ADCY1: variants seen among roughly 807,000 people sequenced by gnomAD.
The protein encoded by ADCY1 is adenylate cyclase type 1.
Under a neutral mutation model 105.4 loss-of-function variants are expected in ADCY1, and 28 were observed. That is an observed-to-expected ratio of 0.27 (90% CI 0.20 to 0.36). The LOEUF is 0.36. ADCY1 is among the 10% of genes least tolerant of loss of function. The pLI is 1.00. For missense variants in ADCY1, 977 were observed against 1,434.2 expected (o/e 0.68, Z 5.15); for synonymous variants, 655 against 623.8 (o/e 1.05, Z -0.75).
chr7:45,585,372 A>G (rs1243324261), intron 1 of ADCY1, among the ~76,000 whole-genome samples: 1 of 150,752 alleles, frequency 6.6e-6, no homozygotes, highest in African/African-American at 2.4e-5. Flanking sequence ...ATGTTTCATG[A>G]GCACTGACCA....
At chr7:45,679,015 TTAAA>T (rs1177970691) in intron 10 of ADCY1, among the ~76,000 whole-genome samples, 11 of 152,348 alleles carry the variant, frequency 7.2e-5, no homozygotes, top group Admixed American at 3.9e-4. Context: ...AAACAGTAGT[TTAAA>T]TAACATTTAA....
intron 5 of ADCY1, among the ~76,000 whole-genome samples, chr7:45,651,611 G>A (rs1259753531): frequency 2.0e-5 from 3 of 152,130 alleles, no homozygotes; most frequent in South Asian, 2.1e-4. Flanking sequence ...TTTGCTCCCC[G>A]CCACTCCTCA....
At chr7:45,675,571 T>C (rs1405151232) in intron 8 of ADCY1, among the ~76,000 whole-genome samples, 1 of 152,102 alleles carries the variant, frequency 6.6e-6, no homozygotes, top group Non-Finnish European at 1.5e-5. Flanking sequence ...ACTCTCAACT[T>C]TCCTTTATCT....
intron 2 of ADCY1, among the ~76,000 whole-genome samples, chr7:45,598,191 C>T (rs532198630): frequency 4.6e-5 from 7 of 152,198 alleles, no homozygotes; most frequent in Middle Eastern, 3.4e-3. Context: ...TTTAAATAAC[C>T]CAGGAAAGAT....
intron 14 of ADCY1, among the ~76,000 whole-genome samples, chr7:45,689,557 C>T (rs960274051): frequency 3.3e-5 from 5 of 152,138 alleles, no homozygotes; most frequent in Non-Finnish European, 7.3e-5. Flanking sequence ...CTCTGACTAT[C>T]GCGAGAAAGG....
intron 3 of ADCY1, among the ~76,000 whole-genome samples, chr7:45,614,940 A>G (rs1366278545): frequency 6.6e-6 from 1 of 152,262 alleles, no homozygotes; most frequent in Non-Finnish European, 1.5e-5. Context: ...AGGCGACTTC[A>G]GTAGTCTATT....
In ADCY1 at chr7:45,710,137, G is replaced by A. The variant is rs551115303; in HGVS notation, c.2933-391G>A. Among the ~76,000 whole-genome samples the A allele has an allele frequency of 5.8e-4, 89 of 152,298 alleles. No individual in the cohort carries two copies. Among genetic ancestry groups the A allele is most frequent in the Middle Eastern group, 3.4e-3 (1 of 294 alleles). ...TTTTTCTGGAAGAGAGGATGCACTT[G>A]GAGACATACCCTGTAATCACAGATA... is the stretch of plus-strand genomic sequence containing the variant. On this transcript the variant is annotated intron_variant, in intron 18 of 19. Transcript: ENST00000297323. This position sits in a 1 kb window ranked among gnomAD's most constrained non-coding sequence, Gnocchi z 4.7.
At position 45,614,906 on chromosome 7, in the gene ADCY1, A is replaced by G. The variant is rs186707175; in HGVS notation, c.908+4409A>G. Among the ~76,000 whole-genome samples the G allele has an allele frequency of 1.4e-4, 22 of 152,326 alleles. No homozygotes were observed. In the South Asian group the frequency reaches 3.3e-3, roughly 23 times the overall value. Reference sequence around the variant, plus strand: ...AAGCATTGACAGAACTGTAAAAAGAAATAGACCACAAAACAATAATAATAG... The same window carrying G: ...AAGCATTGACAGAACTGTAAAAAGAGATAGACCACAAAACAATAATAATAG... On this transcript the variant is annotated intron_variant, in intron 3 of 19. Coordinates refer to ENST00000297323, the MANE Select transcript of ADCY1 (RefSeq NM_021116.4).
chr7:45,657,616 A>G, intron 5 of ADCY1, 111 bp from the exon 6 acceptor site: 5 of 1,180,572 alleles, frequency 4.2e-6, no homozygotes, highest in Non-Finnish European at 5.9e-6. Context: ...ACATGCAGCA[A>G]GGACAAGACC....
intron 1 of ADCY1, among the ~76,000 whole-genome samples, chr7:45,577,010 TA>T (rs1792369614): frequency 6.6e-6 from 1 of 152,198 alleles, no homozygotes; most frequent in African/African-American, 2.4e-5. Context: ...GGAGAGTCTA[TA>T]AAGGAGTTTC....
intron 4 of ADCY1, among the ~76,000 whole-genome samples, chr7:45,625,573 GTGT>G (rs1197888466): frequency 6.6e-6 from 1 of 152,166 alleles, no homozygotes; most frequent in Non-Finnish European, 1.5e-5. Context: ...ATGCATATGT[GTGT>G]TATGTGTGTA....
In ADCY1 at chr7:45,722,969, T is replaced by C. The variant is rs1284752816; in HGVS notation, c.*8974T>C. On this transcript the variant is annotated 3_prime_UTR_variant, in exon 20 of 20. Transcript: ENST00000297323. The stretch of plus-strand genomic sequence containing the variant: ...TTGAGACAAGTAATTGAATAATTTG[T>C]CCTATTTTTATTTTAAAAAAAGTGA... 6.6e-6 allele frequency: 1 copy of C among 152,646 alleles called. No individual in the cohort carries two copies. The highest frequency in any genetic ancestry group is 1.5e-5 in the Non-Finnish European group (1 of 68,034). The allele number at this position is 152,646 out of a possible 1,614,324, so 9.5% of individuals were successfully genotyped here. A position where few individuals can be genotyped will look rare whatever the true frequency, so the allele number is the denominator to read the frequency against.
rs1210524532 is a variant in ADCY1 at position 45,647,893 on chromosome 7, A to C, written c.1021-777A>C. Among the ~76,000 whole-genome samples the C allele has an allele frequency of 6.6e-6, 1 of 152,224 alleles. No homozygotes were observed. Among genetic ancestry groups the C allele is most frequent in the African/African-American group, 2.4e-5 (1 of 41,456 alleles). ...AAGTTTTAGTTTTTAGTGAGTCCTT[A>C]GTGATTTCAAGACATAAAGGGGTCC... On this transcript the variant is annotated intron_variant, in intron 4 of 19. Coordinates refer to ENST00000297323, the MANE Select transcript of ADCY1 (RefSeq NM_021116.4). This position sits in a 1 kb window ranked among gnomAD's most constrained non-coding sequence, Gnocchi z 4.6.
At chr7:45,664,163 C>T in intron 8 of ADCY1, 1 of 829,800 alleles carries the variant, frequency 1.2e-6, no homozygotes, top group Non-Finnish European at 1.9e-6. Flanking sequence ...GTGGGGCGTT[C>T]CTGCTAAAAC....
chr7:45,677,165 CT>C (rs1477589031), intron 8 of ADCY1, among the ~76,000 whole-genome samples: 1 of 152,128 alleles, frequency 6.6e-6, no homozygotes, highest in Non-Finnish European at 1.5e-5. Context: ...ATTGTCAGTG[CT>C]TTTACCACTC....
Position 45,679,705 on chromosome 7 carries a change from C to T in ADCY1, c.1899-4C>T. Reference sequence around the variant, plus strand: ...CAGTGACTCTCATGTTTTCTGTCCCCCAGGAGTGTGGTCGTCCTGCTCCTG... The same window carrying T: ...CAGTGACTCTCATGTTTTCTGTCCCTCAGGAGTGTGGTCGTCCTGCTCCTG... On this transcript the variant is annotated splice_region_variant and splice_polypyrimidine_tract_variant and intron_variant, in intron 10 of 19. Coordinates refer to ENST00000297323, the MANE Select transcript of ADCY1 (RefSeq NM_021116.4). The T allele has an allele frequency of 6.2e-7, 1 of 1,614,190 alleles. No individual in the cohort carries two copies. The highest frequency in any genetic ancestry group is 2.2e-5 in the East Asian group (1 of 44,882).
chr7:45,659,841 G>C (rs569039318), intron 6 of ADCY1, among the ~76,000 whole-genome samples: 4 of 152,272 alleles, frequency 2.6e-5, no homozygotes, highest in Admixed American at 2.0e-4. Flanking sequence ...TGCTGGGCAT[G>C]GTTCCTGATG....
intron 7 of ADCY1, among the ~76,000 whole-genome samples, 184 bp downstream of exon 7, chr7:45,660,367 G>C (rs924994424): frequency 2.6e-5 from 4 of 152,196 alleles, no homozygotes; most frequent in African/African-American, 9.6e-5. Flanking sequence ...GGTGTGGGGA[G>C]GGGTCTAGGT....
chr7:45,707,231 T>C (rs921081637), intron 17 of ADCY1, among the ~76,000 whole-genome samples: 1 of 152,234 alleles, frequency 6.6e-6, no homozygotes, highest in Non-Finnish European at 1.5e-5. Context: ...TGAGAACTTA[T>C]GTCCATGAGT....
Sources: allele counts gnomAD v4.1 joint callset (sites outside exome capture counted in the v4.1 genomes callset), GRCh38; gene constraint gnomAD v4.1.1; non-coding constraint Gnocchi (gnomAD v3.1); transcripts MANE v1.5; gene names NCBI Gene and HGNC (gene_info 2026-07-23, HGNC 2026-07-21).